The following COL25A1 variants were observed in gnomAD, a reference collection of about 807,000 sequenced individuals.
COL25A1 encodes collagen type XXV alpha 1 chain.
A neutral mutation model predicts 128.4 loss-of-function variants in COL25A1; 103 were observed. That is an observed-to-expected ratio of 0.80 (90% CI 0.68 to 0.94). COL25A1 has a LOEUF of 0.94. COL25A1 is among the 40% of genes least tolerant of loss of function. The pLI, the probability that COL25A1 is intolerant of heterozygous loss-of-function variation, is 0.00. For missense variants in COL25A1, 745 were observed against 840.0 expected (o/e 0.89, Z 1.40); for synonymous variants, 279 against 277.2 (o/e 1.01, Z -0.06).
At chr4:109,227,100 T>C (rs1482070117) in intron 3 of COL25A1, among the ~76,000 whole-genome samples, 1 of 152,032 alleles carries the variant, frequency 6.6e-6, no homozygotes, top group African/African-American at 2.4e-5. Flanking sequence ...GTAGTAAGAG[T>C]CAAGATCTTG....
chr4:109,028,047 T>C lies in COL25A1; in HGVS notation c.421-17672A>G, dbSNP rs112092983. Among the ~76,000 whole-genome samples, 529 of 152,292 alleles carry C rather than the reference T, an allele frequency of 3.5e-3. 3 individuals are homozygous for C. Among genetic ancestry groups the C allele is most frequent in the African/African-American group, 0.012 (494 of 41,552 alleles). Reference sequence around the variant, plus strand: ...AAAGCCATGAGATTATATGAGATCATCTAATGAGGCAATGTAAATAAGGAA... The same window carrying C: ...AAAGCCATGAGATTATATGAGATCACCTAATGAGGCAATGTAAATAAGGAA... On this transcript the variant is annotated intron_variant, in intron 5 of 37. Transcript: ENST00000399132.
intron 8 of COL25A1, among the ~76,000 whole-genome samples, chr4:108,952,583 A>T (rs762746143): frequency 3.3e-5 from 5 of 152,200 alleles, no homozygotes; most frequent in Non-Finnish European, 5.9e-5. Context: ...GCAGTATAAA[A>T]ATAGCATGCA....
At chr4:109,209,791 G>A (rs570333381) in intron 3 of COL25A1, among the ~76,000 whole-genome samples, 105 of 152,166 alleles carry the variant, frequency 6.9e-4, no homozygotes, top group African/African-American at 2.4e-3. Context: ...GGTGGCTCAC[G>A]ACTGTAATCT....
intron 3 of COL25A1, among the ~76,000 whole-genome samples, chr4:109,123,689 A>C (rs916923614): frequency 6.6e-6 from 1 of 152,172 alleles, no homozygotes; most frequent in African/African-American, 2.4e-5. Flanking sequence ...TAATGCTGGA[A>C]TTGAAAAATG....
At chr4:109,189,241 TCTC>T (rs1257118047) in intron 3 of COL25A1, among the ~76,000 whole-genome samples, 1 of 152,126 alleles carries the variant, frequency 6.6e-6, no homozygotes, top group Non-Finnish European at 1.5e-5. Context: ...CAATGAATTT[TCTC>T]CTATTTAAGA....
chr4:109,187,593 T>C (rs1379039474), intron 3 of COL25A1, among the ~76,000 whole-genome samples: 4 of 152,236 alleles, frequency 2.6e-5, no homozygotes, highest in African/African-American at 4.8e-5. Flanking sequence ...TATTAATTCA[T>C]ACTTACGTAG....
At chr4:108,865,953 T>A (rs1737854555) in intron 20 of COL25A1, among the ~76,000 whole-genome samples, 3 of 152,084 alleles carry the variant, frequency 2.0e-5, no homozygotes, top group Admixed American at 6.5e-5. Flanking sequence ...TTTTATTATG[T>A]CTCTTATTAG....
At chr4:109,011,194 C>A (rs1627543) in intron 5 of COL25A1, among the ~76,000 whole-genome samples, 21 of 152,022 alleles carry the variant, frequency 1.4e-4, no homozygotes, top group Non-Finnish European at 2.5e-4. Context: ...AATGTTCACA[C>A]TGAGTTAAGA....
rs1423928791 is a variant in COL25A1, at chr4:108,845,257, A to C, written c.1516-6T>G. 2.5e-6 allele frequency: 4 copies of C among 1,612,018 alleles called. No individual in the cohort carries two copies. The highest frequency in any genetic ancestry group is 4.5e-5 in the East Asian group (2 of 44,870). On this transcript the variant is annotated splice_polypyrimidine_tract_variant and splice_region_variant and intron_variant, in intron 28 of 37. Coordinates refer to ENST00000399132, the MANE Select transcript of COL25A1 (RefSeq NM_198721.4). The stretch of plus-strand genomic sequence containing the variant: ...CCTTTCATTCCATTGGCTCCCTATA[A>C]ATAACCATTAAGCAGAGTTAAGCAG...
intron 3 of COL25A1, among the ~76,000 whole-genome samples, chr4:109,249,599 A>C (rs1344355393): frequency 6.6e-6 from 1 of 152,152 alleles, no homozygotes; most frequent in Non-Finnish European, 1.5e-5. Flanking sequence ...CACTTTGATT[A>C]AGATAGGTTT....
chr4:109,179,964 G>C (rs1442306647), intron 3 of COL25A1, among the ~76,000 whole-genome samples: 3 of 152,156 alleles, frequency 2.0e-5, no homozygotes, highest in African/African-American at 7.2e-5. Flanking sequence ...TTGTCAAATA[G>C]ATGCCTCAGT....
At chr4:108,985,797 A>C (rs1011977712) in intron 6 of COL25A1, among the ~76,000 whole-genome samples, 1 of 152,136 alleles carries the variant, frequency 6.6e-6, no homozygotes, top group Non-Finnish European at 1.5e-5. Context: ...TATACCCTTA[A>C]GGCTATAACT....
chr4:109,107,298 A>C (rs1015091982), intron 3 of COL25A1, among the ~76,000 whole-genome samples: 2 of 152,154 alleles, frequency 1.3e-5, no homozygotes, highest in Admixed American at 1.3e-4. Flanking sequence ...TTCTAAATGG[A>C]CTTCTCATTG....
intron 32 of COL25A1, among the ~76,000 whole-genome samples, chr4:108,829,358 T>C (rs558818337): frequency 6.6e-6 from 1 of 151,836 alleles, no homozygotes; most frequent in Non-Finnish European, 1.5e-5. Flanking sequence ...CCAAACAAAA[T>C]AACTAGTAAG....
intron 3 of COL25A1, among the ~76,000 whole-genome samples, chr4:109,290,825 T>C (rs1724400554): frequency 1.3e-5 from 2 of 152,092 alleles, no homozygotes; most frequent in African/African-American, 4.8e-5. Context: ...TTGGACTACA[T>C]TCAAAGCCAT....
intron 18 of COL25A1, among the ~76,000 whole-genome samples, chr4:108,884,776 T>A (rs149685100): frequency 0.012 from 1,846 of 152,336 alleles, 14 homozygotes; most frequent in Non-Finnish European, 0.018. Context: ...CTAACTCCAG[T>A]CTGTACTTCT....
Position 109,106,562 on chromosome 4 carries a change from TA to T in COL25A1, c.368-56384del, listed in dbSNP as rs879371941. Among the ~76,000 whole-genome samples, 1,368 of 147,478 alleles carry T rather than the reference TA, an allele frequency of 9.3e-3. 7 individuals carry two copies. Among genetic ancestry groups the T allele is most frequent in the East Asian group, 0.028 (143 of 5,086 alleles). Reference sequence around the variant, plus strand: ...GAGGTATTCAGCTATCTCAGAAACTTAAAAAAAAAAATCAATGTGAGGAGTG... The same window carrying T: ...GAGGTATTCAGCTATCTCAGAAACTTAAAAAAAAAATCAATGTGAGGAGTG... On this transcript the variant is annotated intron_variant, in intron 3 of 37. Transcript: ENST00000399132.
rs548454801 is a variant in COL25A1, at chr4:109,158,280, G to T, written c.368-108101C>A. 9.2e-4 allele frequency among the ~76,000 whole-genome samples: 140 copies of T among 151,540 alleles called. 1 individual carries two copies. The highest frequency in any genetic ancestry group is 1.6e-3 in the Non-Finnish European group (111 of 67,914). ...TCTTTGTTATAATGTTTACCAATCT[G>T]TGTGTCTTCCTGTGAATGCCAATGT... On this transcript the variant is annotated intron_variant, in intron 3 of 37. Coordinates refer to ENST00000399132, the MANE Select transcript of COL25A1 (RefSeq NM_198721.4).
At chr4:108,911,824 A>G (rs746778964) in intron 13 of COL25A1, among the ~76,000 whole-genome samples, 16 of 132,966 alleles carry the variant, frequency 1.2e-4, no homozygotes, top group Non-Finnish European at 2.3e-4. Context: ...TTTTTTTGCA[A>G]CAGCAAGTGA....
Sources: gnomAD v4.1 joint callset for allele counts (sites outside exome capture counted in the v4.1 genomes callset) on GRCh38, gnomAD v4.1.1 for gene constraint, MANE v1.5 for transcripts, NCBI Gene and HGNC (gene_info 2026-07-23, HGNC 2026-07-21) for gene names.